TRIM37: variants seen among roughly 807,000 people sequenced by gnomAD.
TRIM37 encodes tripartite motif containing 37, also known as E3 ubiquitin-protein ligase TRIM37.
Under a neutral mutation model 129.8 loss-of-function variants are expected in TRIM37, and 80 were observed. The observed-to-expected ratio is 0.62, with a 90% CI of 0.51 to 0.74. The LOEUF (loss-of-function observed/expected upper bound fraction) is 0.74. Among genes scored for constraint, TRIM37 ranks in the 30% least tolerant of loss-of-function variants. TRIM37 has a pLI of 0.00. For missense variants in TRIM37, 1,054 were observed against 1,176.5 expected (o/e 0.90, Z 1.52); for synonymous variants, 389 against 387.1 (o/e 1.00, Z -0.06).
chr17:59,091,501 A>G (rs1365775788), intron 2 of TRIM37, among the ~76,000 whole-genome samples, 161 bp from the exon 3 acceptor site: 1 of 103,482 alleles, frequency 9.7e-6, no homozygotes, highest in Non-Finnish European at 1.9e-5. Context: ...ATATTATTAT[A>G]TAACATATCA....
rs776053750 is a variant in TRIM37 at position 59,012,330 on chromosome 17, T to A, written c.2693A>T (p.Glu898Val). ...LPEGASAAPE[E>V]GMSSDSDIEC... ...CTTATAAGTTTATCATTCCTTACCT[T>A]CTTCAGGGGCAGCTGAAGCTCCTTC... Residue 898 changes from glutamate (E) to valine (V), a missense_variant and splice_region_variant, in exon 22 of 24, where the codon GAA becomes GTA. Transcript: ENST00000262294. 5 of 1,601,270 alleles carry A rather than the reference T, an allele frequency of 3.1e-6. No homozygotes were observed.
At chr17:59,065,093 T>C in intron 9 of TRIM37, among the ~76,000 whole-genome samples, 1 of 152,046 alleles carries the variant, frequency 6.6e-6, no homozygotes, top group Non-Finnish European at 1.5e-5. Context: ...ATAAAAGCTT[T>C]TTTTCCTAAA....
intron 2 of TRIM37, among the ~76,000 whole-genome samples, chr17:59,102,140 TAC>T (rs1283220380): frequency 1.3e-5 from 2 of 152,104 alleles, no homozygotes; most frequent in Admixed American, 6.6e-5. Flanking sequence ...TTAGGAGCCA[TAC>T]ACACAGAGAT....
chr17:59,003,909 A>C (rs2034118731), intron 22 of TRIM37, among the ~76,000 whole-genome samples: 1 of 146,136 alleles, frequency 6.8e-6, no homozygotes, highest in Non-Finnish European at 1.5e-5. Flanking sequence ...AACTTAGCAA[A>C]GCCCCATCTC....
intron 17 of TRIM37, among the ~76,000 whole-genome samples, chr17:59,040,907 G>A (rs985699870): frequency 3.3e-5 from 5 of 151,940 alleles, no homozygotes; most frequent in Admixed American, 1.3e-4. Flanking sequence ...TTAGCCGGGC[G>A]CGGTGGCGGG....
At chr17:59,015,820 A>C (rs763335858) in intron 20 of TRIM37, 21 bp from the exon 21 acceptor site, 1 of 1,611,240 alleles carries the variant, frequency 6.2e-7, no homozygotes, top group Admixed American at 1.7e-5. Context: ...AGGAAGATGG[A>C]ATACAAAAAT....
chr17:59,053,350 T>C (rs1019027148), intron 13 of TRIM37, among the ~76,000 whole-genome samples: 1 of 152,196 alleles, frequency 6.6e-6, no homozygotes, highest in Non-Finnish European at 1.5e-5. Flanking sequence ...GTTTGAGCAA[T>C]GTCTCATTAA....
At chr17:58,970,794 T>A in the TRIM37 span, among the ~76,000 whole-genome samples, 7 of 152,132 alleles carry the variant, frequency 4.6e-5, no homozygotes, top group East Asian at 1.4e-3. Context: ...AGGACCTGCA[T>A]TCTGCTTGGC....
intron 2 of TRIM37, among the ~76,000 whole-genome samples, chr17:59,093,263 G>C (rs1335183648): frequency 6.6e-6 from 1 of 152,098 alleles, no homozygotes; most frequent in Non-Finnish European, 1.5e-5. Context: ...ATTTGGGTCA[G>C]GTTTCTTCCC....
chr17:59,024,625 C>G (rs2037026431), intron 19 of TRIM37, among the ~76,000 whole-genome samples: 1 of 152,206 alleles, frequency 6.6e-6, no homozygotes, highest in African/African-American at 2.4e-5. Flanking sequence ...TTCCTGACCT[C>G]AAGTAATCCT....
chr17:59,090,497 T>C (rs946139925), intron 3 of TRIM37, among the ~76,000 whole-genome samples: 6 of 152,198 alleles, frequency 3.9e-5, no homozygotes, highest in Non-Finnish European at 1.5e-5. Context: ...CAATTTCTTC[T>C]GAAAGTATTA....
At chr17:59,012,516 C>T in intron 21 of TRIM37, 70 bp from the exon 22 acceptor site, 3 of 1,096,754 alleles carry the variant, frequency 2.7e-6, no homozygotes, top group South Asian at 1.2e-5. Context: ...TCTTTTTGAA[C>T]TGAGCACCAA....
At chr17:59,101,060 T>C (rs374911596) in intron 2 of TRIM37, among the ~76,000 whole-genome samples, 1 of 149,476 alleles carries the variant, frequency 6.7e-6, no homozygotes, top group African/African-American at 2.5e-5. Flanking sequence ...ACAAAAAAAC[T>C]GTACACTTTA....
the TRIM37 span, among the ~76,000 whole-genome samples, chr17:58,972,455 A>G: frequency 6.6e-6 from 1 of 151,782 alleles, no homozygotes; most frequent in Admixed American, 6.6e-5. Flanking sequence ...GGTTCAAGCG[A>G]TTCTCCTGCC....
intron 22 of TRIM37, among the ~76,000 whole-genome samples, chr17:59,003,922 TAAAAAAA>T (rs60843441): frequency 3.0e-4 from 27 of 89,570 alleles, no homozygotes; most frequent in Admixed American, 3.0e-3. Flanking sequence ...CCCATCTCTA[TAAAAAAA>T]AAAAAAAAAA....
intron 22 of TRIM37, among the ~76,000 whole-genome samples, chr17:59,003,020 C>A (rs1356752589): frequency 6.6e-6 from 1 of 152,124 alleles, no homozygotes; most frequent in Admixed American, 6.5e-5. Flanking sequence ...CCCAACAGGC[C>A]TGTGCCATCA....
chr17:59,025,377 ATAT>A (rs909972108), intron 19 of TRIM37, among the ~76,000 whole-genome samples: 17 of 151,300 alleles, frequency 1.1e-4, no homozygotes, highest in South Asian at 6.2e-4. Flanking sequence ...ATTGCCATGA[ATAT>A]TATTATTAAT....
Position 59,070,803 on chromosome 17 carries a change from A to T in TRIM37, c.809+20T>A. On this transcript the variant is annotated intron_variant, in intron 9 of 23. Coordinates refer to ENST00000262294, the MANE Select transcript of TRIM37 (RefSeq NM_015294.6). ...CCACATAAATTTCAAATGAAAATGAAATTAAAAACTGTGTCATACCTGGTA... is the reference window on the plus strand; with the variant it reads ...CCACATAAATTTCAAATGAAAATGATATTAAAAACTGTGTCATACCTGGTA... 6.2e-7 allele frequency: 1 copy of T among 1,613,018 alleles called. No individual in the cohort carries two copies. The highest frequency in any genetic ancestry group is 8.5e-7 in the Non-Finnish European group (1 of 1,179,284).
chr17:59,022,471 T>A (rs927612626), intron 19 of TRIM37, among the ~76,000 whole-genome samples: 1 of 152,198 alleles, frequency 6.6e-6, no homozygotes, highest in African/African-American at 2.4e-5. Context: ...CAGTTTGGTA[T>A]TAGGGTGAAG....
Sources: gnomAD v4.1 joint callset for allele counts (sites outside exome capture counted in the v4.1 genomes callset) on GRCh38, gnomAD v4.1.1 for gene constraint, MANE v1.5 for transcripts, NCBI Gene and HGNC (gene_info 2026-07-23, HGNC 2026-07-21) for gene names.